MAGI1: variants seen among roughly 807,000 people sequenced by gnomAD.
MAGI1 encodes membrane-associated guanylate kinase, WW and PDZ domain-containing protein 1.
A neutral mutation model predicts 139.9 loss-of-function variants in MAGI1; 58 were observed. That is an observed-to-expected ratio of 0.41 (90% CI 0.34 to 0.52). MAGI1 has a LOEUF of 0.52. Ranked by LOEUF, MAGI1 falls within the 20% of genes least tolerant of loss-of-function variation. The probability of loss-of-function intolerance (pLI) is 0.12; values close to 1 mark genes in which losing one functional copy is unlikely to be tolerated. For missense variants in MAGI1, 1,874 were observed against 1,901.6 expected (o/e 0.99, Z 0.27); for synonymous variants, 812 against 737.9 (o/e 1.10, Z -1.63).
intron 1 of MAGI1, among the ~76,000 whole-genome samples, chr3:65,673,819 G>A (rs2087010005): frequency 6.6e-6 from 1 of 152,156 alleles, no homozygotes; most frequent in Admixed American, 6.5e-5. Flanking sequence ...ATTATAAATA[G>A]GCGTTTCCTA....
chr3:65,541,357 T>C (rs1486541597), intron 2 of MAGI1, among the ~76,000 whole-genome samples: 1 of 152,212 alleles, frequency 6.6e-6, no homozygotes, highest in Non-Finnish European at 1.5e-5. Context: ...GAAGAGCTGA[T>C]ACCATTGCTT....
At chr3:65,619,636 C>A (rs2083562471) in intron 2 of MAGI1, among the ~76,000 whole-genome samples, 1 of 152,136 alleles carries the variant, frequency 6.6e-6, no homozygotes, top group Non-Finnish European at 1.5e-5. Context: ...AATCCATTAG[C>A]ACAACAGGCT....
intron 18 of MAGI1, among the ~76,000 whole-genome samples, chr3:65,373,599 G>T (rs1189991572): frequency 6.6e-6 from 1 of 152,184 alleles, no homozygotes; most frequent in Non-Finnish European, 1.5e-5. Flanking sequence ...GCAATAAAAT[G>T]AAGTGCAATG....
chr3:66,031,688 TA>T (rs879848963), intron 1 of MAGI1, among the ~76,000 whole-genome samples: 170 of 140,100 alleles, frequency 1.2e-3, no homozygotes, highest in East Asian at 1.4e-3. Flanking sequence ...AAGTTTAAGT[TA>T]AAAAAAAAAA....
intron 12 of MAGI1, among the ~76,000 whole-genome samples, chr3:65,402,436 C>T (rs530873049): frequency 1.8e-4 from 27 of 151,974 alleles, no homozygotes; most frequent in Middle Eastern, 3.4e-3. Context: ...GAAAGACAGG[C>T]GAGAAAGGAA....
intron 5 of MAGI1, among the ~76,000 whole-genome samples, chr3:65,462,206 G>C (rs138473451): frequency 0.016 from 2,504 of 152,132 alleles, 65 homozygotes; most frequent in African/African-American, 0.056. Context: ...GCCTATGTCC[G>C]GAAAGGTATT....
At chr3:65,898,534 T>G (rs969540420) in intron 1 of MAGI1, among the ~76,000 whole-genome samples, 1 of 152,146 alleles carries the variant, frequency 6.6e-6, no homozygotes, top group African/African-American at 2.4e-5. Flanking sequence ...AAATTCAAAT[T>G]GTTGACAGGT....
chr3:65,610,819 T>TAGTATATATAG (rs1553680081), intron 2 of MAGI1, among the ~76,000 whole-genome samples: 1 of 125,144 alleles, frequency 8.0e-6, no homozygotes, highest in African/African-American at 3.0e-5. Context: ...ATATAGTATA[T>TAGTATATATAG]AGTATATATA....
At chr3:65,822,688 A>G (rs1252485778) in intron 1 of MAGI1, among the ~76,000 whole-genome samples, 1 of 152,190 alleles carries the variant, frequency 6.6e-6, no homozygotes, top group Non-Finnish European at 1.5e-5. Flanking sequence ...GAAGTTTACA[A>G]TCATGGTAGA....
At chr3:65,724,477 A>G (rs1559822329) in intron 1 of MAGI1, among the ~76,000 whole-genome samples, 1 of 152,228 alleles carries the variant, frequency 6.6e-6, no homozygotes, top group Non-Finnish European at 1.5e-5. Flanking sequence ...GATCAGATAA[A>G]TCTATACTGC....
chr3:65,538,070 G>A (rs549436184), intron 2 of MAGI1, among the ~76,000 whole-genome samples: 1 of 152,322 alleles, frequency 6.6e-6, no homozygotes, highest in African/African-American at 2.4e-5. Context: ...AGGAGGCAGA[G>A]GTTGCAGTGA....
chr3:65,692,137 C>G (rs529521398), intron 1 of MAGI1, among the ~76,000 whole-genome samples: 1 of 152,158 alleles, frequency 6.6e-6, no homozygotes, highest in East Asian at 1.9e-4. Flanking sequence ...TCTGGACATT[C>G]CTAGATCAGA....
intron 1 of MAGI1, among the ~76,000 whole-genome samples, chr3:65,690,289 C>T (rs1019470135): frequency 5.3e-5 from 8 of 152,082 alleles, no homozygotes; most frequent in Non-Finnish European, 1.5e-5. Flanking sequence ...GGGTTGAGTC[C>T]TGGTGACACA....
intron 1 of MAGI1, among the ~76,000 whole-genome samples, chr3:65,983,865 A>G (rs1392803857): frequency 6.6e-6 from 1 of 152,218 alleles, no homozygotes; most frequent in Non-Finnish European, 1.5e-5. Flanking sequence ...GGTGATTATA[A>G]TAGTACAGTT....
chr3:65,758,423 T>C (rs1320910067), intron 1 of MAGI1, among the ~76,000 whole-genome samples: 1 of 152,240 alleles, frequency 6.6e-6, no homozygotes, highest in Non-Finnish European at 1.5e-5. Context: ...AGCTCATTTC[T>C]GAAAATAGCA....
intron 5 of MAGI1, among the ~76,000 whole-genome samples, chr3:65,457,160 G>A (rs1949454317): frequency 6.6e-6 from 1 of 151,912 alleles, no homozygotes; most frequent in Non-Finnish European, 1.5e-5. Flanking sequence ...TCAATTCTGA[G>A]TCTTCCTGTA....
At chr3:65,779,417 GC>G (rs2038750341) in intron 1 of MAGI1, among the ~76,000 whole-genome samples, 1 of 152,198 alleles carries the variant, frequency 6.6e-6, no homozygotes, top group South Asian at 2.1e-4. Flanking sequence ...ATACACTAAA[GC>G]ACTCAACTTT....
At chr3:65,862,295 TTC>T (rs1209063313) in intron 1 of MAGI1, among the ~76,000 whole-genome samples, 4 of 152,136 alleles carry the variant, frequency 2.6e-5, no homozygotes, top group Non-Finnish European at 5.9e-5. Flanking sequence ...GCAGTACCTA[TTC>T]TCATATGGTT....
chr3:65,704,004 C>G (rs1456773626), intron 1 of MAGI1, among the ~76,000 whole-genome samples: 1 of 152,072 alleles, frequency 6.6e-6, no homozygotes, highest in East Asian at 1.9e-4. Context: ...ATCTGAACAA[C>G]CCTTTTTATT....
Sources: allele counts gnomAD v4.1 joint callset (sites outside exome capture counted in the v4.1 genomes callset), GRCh38; gene constraint gnomAD v4.1.1; transcripts MANE v1.5; gene names NCBI Gene and HGNC (gene_info 2026-07-23, HGNC 2026-07-21).